The following SEPTIN7 variants were observed in gnomAD, a reference collection of about 807,000 sequenced individuals.
SEPTIN7 encodes the protein septin 7.
SEPTIN7 carries 10 observed loss-of-function variants against 63.3 expected under a neutral mutation model. That is an observed-to-expected ratio of 0.16 (90% CI 0.10 to 0.27). The LOEUF is 0.27. SEPTIN7 is among the 10% of genes least tolerant of loss of function. The probability of loss-of-function intolerance (pLI) is 1.00; values close to 1 mark genes in which losing one functional copy is unlikely to be tolerated. For missense variants in SEPTIN7, 310 were observed against 521.0 expected (o/e 0.59, Z 3.94); for synonymous variants, 131 against 165.3 (o/e 0.79, Z 1.59).
intron 3 of SEPTIN7, among the ~76,000 whole-genome samples, chr7:35,857,864 A>G (rs1785284990): frequency 6.6e-6 from 1 of 152,186 alleles, no homozygotes; most frequent in South Asian, 2.1e-4. Flanking sequence ...ACTGTTTCCA[A>G]AAAGGAAAGT....
At chr7:35,892,393 A>G (rs918645928) in intron 11 of SEPTIN7, among the ~76,000 whole-genome samples, 2 of 152,178 alleles carry the variant, frequency 1.3e-5, no homozygotes, top group African/African-American at 4.8e-5. Flanking sequence ...GTAAGGACCC[A>G]TCATAGTGAA....
intron 7 of SEPTIN7, 106 bp downstream of exon 7, chr7:35,880,046 T>C: frequency 1.5e-6 from 1 of 673,464 alleles, no homozygotes; most frequent in Non-Finnish European, 2.7e-6. Flanking sequence ...ACTGCTTTAC[T>C]ATATTGTCAT....
At chr7:35,826,761 G>A (rs1053015323) in intron 1 of SEPTIN7, among the ~76,000 whole-genome samples, 1 of 152,014 alleles carries the variant, frequency 6.6e-6, no homozygotes, top group African/African-American at 2.4e-5. Flanking sequence ...TTCAAAATAA[G>A]TTGCTGCTTT....
At chr7:35,812,143 C>A (rs13229624) in intron 1 of SEPTIN7, 3,343 of 145,216 alleles carry the variant, frequency 0.023, 46 homozygotes, top group African/African-American at 0.065. Context: ...AAAAAAAAAA[C>A]AAAAAAAAAA....
downstream of SEPTIN7, among the ~76,000 whole-genome samples, chr7:35,907,434 T>C (rs1029799514): frequency 1.3e-5 from 2 of 152,136 alleles, no homozygotes; most frequent in African/African-American, 2.4e-5. Flanking sequence ...GGGTAAGTTA[T>C]CTCTTAAGGT....
Position 35,801,230 on chromosome 7 carries a change from C to T in SEPTIN7, c.21C>T (p.Ser7=), listed in dbSNP as rs1243659249. Residue 7 remains serine, a synonymous_variant, in exon 1 of 14, where the codon TCC becomes TCT. Transcript: ENST00000350320. ...AGGGGATGTCGGTCAGTGCGAGATC[C>T]GCTGCTGCTGAGGAGAGGAGCGTCA... MSVSAR[S]AAAEERSVNS... 5.2e-6 allele frequency: 8 copies of T among 1,533,018 alleles called. No homozygotes were observed. Among genetic ancestry groups the T allele is most frequent in the Middle Eastern group, 2.0e-4 (1 of 4,888 alleles). The allele number at this position is 1,533,018 out of a possible 1,614,324, so 95.0% of individuals were successfully genotyped here.
chr7:35,871,854 T>C (rs11978528), intron 4 of SEPTIN7, among the ~76,000 whole-genome samples: 2,251 of 152,256 alleles, frequency 0.015, 51 homozygotes, highest in African/African-American at 0.05. Context: ...TTATCTTGGG[T>C]TCCTGAAAAC....
chr7:35,896,715 T>A (rs1390778777), intron 11 of SEPTIN7, among the ~76,000 whole-genome samples: 1 of 152,246 alleles, frequency 6.6e-6, no homozygotes, highest in Non-Finnish European at 1.5e-5. Flanking sequence ...TATGTCTGGT[T>A]AGTTTCATTT....
At chr7:35,812,999 T>C (rs1416574323) in intron 1 of SEPTIN7, among the ~76,000 whole-genome samples, 2 of 152,208 alleles carry the variant, frequency 1.3e-5, no homozygotes, top group African/African-American at 4.8e-5. Context: ...GAATAACTTT[T>C]CTGCAAGATA....
downstream of SEPTIN7, among the ~76,000 whole-genome samples, chr7:35,907,548 A>C (rs1788653461): frequency 6.6e-6 from 1 of 152,074 alleles, no homozygotes; most frequent in Admixed American, 6.6e-5. Context: ...GATGTTTAGT[A>C]GCTTATTCAA....
chr7:35,895,560 A>G (rs1206795405), intron 11 of SEPTIN7, among the ~76,000 whole-genome samples: 4 of 152,222 alleles, frequency 2.6e-5, no homozygotes, highest in African/African-American at 9.6e-5. Context: ...ATTTATTTTT[A>G]TAGTGATTTA....
chr7:35,880,844 T>G (rs1450547583), intron 7 of SEPTIN7, among the ~76,000 whole-genome samples: 2 of 152,088 alleles, frequency 1.3e-5, no homozygotes, highest in African/African-American at 4.8e-5. Context: ...TCAATAATAT[T>G]GAGTTACACA....
chr7:35,870,077 G>A (rs1786051420), intron 4 of SEPTIN7, among the ~76,000 whole-genome samples: 1 of 152,186 alleles, frequency 6.6e-6, no homozygotes, highest in Admixed American at 6.5e-5. Flanking sequence ...ATAGGATACA[G>A]TCGGATCCTG....
At chr7:35,842,701 G>A (rs528877559) in intron 3 of SEPTIN7, among the ~76,000 whole-genome samples, 5 of 152,136 alleles carry the variant, frequency 3.3e-5, no homozygotes, top group Non-Finnish European at 7.4e-5. Flanking sequence ...CATGATTACT[G>A]TGCTGAAAAT....
chr7:35,851,093 A>G (rs1784933762), intron 3 of SEPTIN7, among the ~76,000 whole-genome samples: 2 of 152,148 alleles, frequency 1.3e-5, no homozygotes, highest in Non-Finnish European at 2.9e-5. Context: ...TAGGTGATGA[A>G]TGTTTTATTT....
rs1167520537 is a variant in SEPTIN7, at chr7:35,904,346, C to G, written c.*53C>G. 35 of 1,443,344 alleles carry G rather than the reference C, an allele frequency of 2.4e-5. No homozygotes were observed. The highest frequency in any genetic ancestry group is 3.1e-5 in the Non-Finnish European group (33 of 1,063,810). 89.4% of individuals were successfully genotyped at this position (1,443,344 alleles called of 1,614,324 possible). A position where few individuals can be genotyped will look rare whatever the true frequency, so the allele number is the denominator to read the frequency against. On this transcript the variant is annotated 3_prime_UTR_variant, in exon 14 of 14. Coordinates refer to ENST00000350320, the MANE Select transcript of SEPTIN7 (RefSeq NM_001788.6). ...TTAGTTGCCAATATGCCAGCTTGGA[C>G]ATCAGTGTTTGTTGGATCCGTTTGA...
intron 1 of SEPTIN7, among the ~76,000 whole-genome samples, chr7:35,826,993 A>T (rs985586096): frequency 4.6e-5 from 7 of 152,176 alleles, no homozygotes; most frequent in African/African-American, 1.7e-4. Context: ...GAACTAATGT[A>T]ACCTTAGAAG....
intron 3 of SEPTIN7, among the ~76,000 whole-genome samples, chr7:35,839,580 G>T (rs1784304866): frequency 7.3e-6 from 1 of 136,462 alleles, no homozygotes; most frequent in South Asian, 2.3e-4. Context: ...TTGAGACAGA[G>T]TCTTGCTCTG....
chr7:35,901,791 A>T (rs771927210), intron 12 of SEPTIN7: 3 of 152,102 alleles, frequency 2.0e-5, no homozygotes, highest in Non-Finnish European at 4.4e-5. Context: ...AATTGTGTAT[A>T]TGTGACTCTT....
Sources: gnomAD v4.1 joint callset for allele counts (sites outside exome capture counted in the v4.1 genomes callset) on GRCh38, gnomAD v4.1.1 for gene constraint, MANE v1.5 for transcripts, NCBI Gene and HGNC (gene_info 2026-07-23, HGNC 2026-07-21) for gene names.